PRDM16: variants seen among roughly 807,000 people sequenced by gnomAD.
PRDM16 encodes PR/SET domain 16, also known as histone-lysine N-methyltransferase PRDM16.
Under a neutral mutation model 110.6 loss-of-function variants are expected in PRDM16, and 23 were observed. That is an observed-to-expected ratio of 0.21 (90% CI 0.15 to 0.29). PRDM16 has a LOEUF of 0.29. Among genes scored for constraint, PRDM16 ranks in the 10% least tolerant of loss-of-function variants. PRDM16 has a pLI of 1.00. For synonymous variants in PRDM16, 799 were observed against 781.8 expected (o/e 1.02, Z -0.37); for missense variants, 1,615 against 1,794.3 (o/e 0.90, Z 1.81).
intron 2 of PRDM16, among the ~76,000 whole-genome samples, chr1:3,219,989 C>T (rs1205831132): frequency 6.6e-6 from 1 of 152,192 alleles, no homozygotes; most frequent in African/African-American, 2.4e-5. Context: ...ATGTTTGGCG[C>T]TGAGGTAATA....
intron 1 of PRDM16, among the ~76,000 whole-genome samples, chr1:3,121,964 A>G (rs1455367608): frequency 5.3e-5 from 8 of 152,246 alleles, no homozygotes; most frequent in African/African-American, 1.4e-4. Flanking sequence ...AAGGCCTTTC[A>G]GTTGGACCAG....
At chr1:3,122,600 T>A (rs1436571846) in intron 1 of PRDM16, among the ~76,000 whole-genome samples, 5 of 151,970 alleles carry the variant, frequency 3.3e-5, no homozygotes, top group African/African-American at 7.3e-5. Flanking sequence ...GAAGAAAGGA[T>A]CATTATACGA....
chr1:3,403,304 G>T (rs751889734), intron 6 of PRDM16, among the ~76,000 whole-genome samples: 1 of 152,206 alleles, frequency 6.6e-6, no homozygotes, highest in Non-Finnish European at 1.5e-5. Context: ...GCCTGCCAGG[G>T]CTGCGCTGCG....
At chr1:3,186,907 G>C (rs971943994) in intron 2 of PRDM16, among the ~76,000 whole-genome samples, 2 of 152,174 alleles carry the variant, frequency 1.3e-5, no homozygotes, top group South Asian at 4.1e-4. Flanking sequence ...CGCTGCCCCG[G>C]CTGCCGTCTT....
intron 3 of PRDM16, among the ~76,000 whole-genome samples, chr1:3,321,229 T>C (rs1159756025): frequency 1.4e-5 from 2 of 147,942 alleles, no homozygotes; most frequent in Admixed American, 6.6e-5. Flanking sequence ...GGAGCATGTG[T>C]GCACACACGC....
rs186610483 is a variant in PRDM16, at chr1:3,256,485, G to A, written c.438+12348G>A. Among the ~76,000 whole-genome samples, 319 of 152,214 alleles carry A rather than the reference G, an allele frequency of 2.1e-3. 7 individuals carry two copies. The highest frequency in any genetic ancestry group is 0.02 in the Admixed American group (305 of 15,292). ...TAGGTGTTCATCACGGGGGAATTGC[G>A]GGGAGACAGGGAGAGAATGAGTCAA... is the stretch of plus-strand genomic sequence containing the variant. On this transcript the variant is annotated intron_variant, in intron 3 of 16. Transcript: ENST00000270722.
At position 3,382,490 on chromosome 1, in the gene PRDM16, C is replaced by T. The variant is rs986601396; in HGVS notation, c.439-2662C>T. ...TCTGCAGAAGCTGGTAACACAGAGG[C>T]TGTCTCCCTGGGAACCTGCCCTGAG... On this transcript the variant is annotated intron_variant, in intron 3 of 16. Transcript: ENST00000270722. This position sits in a 1 kb window ranked among gnomAD's most constrained non-coding sequence, Gnocchi z 6.6. Among the ~76,000 whole-genome samples the T allele has an allele frequency of 1.3e-5, 2 of 152,228 alleles. No individual in the cohort carries two copies. Among genetic ancestry groups the T allele is most frequent in the South Asian group, 4.1e-4 (2 of 4,830 alleles).
chr1:3,419,105 C>T lies in PRDM16; in HGVS notation c.2939+361C>T, dbSNP rs79283623. ...TCCACATGGGAGAAAACCTCAGCTT[C>T]CCCACACCCAGCCCAACTCCGTTCA... On this transcript the variant is annotated intron_variant, in intron 12 of 16. Transcript: ENST00000270722. Among the ~76,000 whole-genome samples, 27 of 152,340 alleles carry T rather than the reference C, an allele frequency of 1.8e-4. 1 individual carries two copies. In the East Asian group the frequency reaches 5.2e-3, roughly 29 times the overall value.
intron 1 of PRDM16, among the ~76,000 whole-genome samples, chr1:3,161,463 G>A (rs935910536): frequency 3.3e-5 from 5 of 152,230 alleles, no homozygotes; most frequent in African/African-American, 1.2e-4. Context: ...AGGAGATGCT[G>A]GGGGTAGGAA....
chr1:3,222,842 C>A (rs954284477), intron 2 of PRDM16, among the ~76,000 whole-genome samples: 3 of 152,196 alleles, frequency 2.0e-5, no homozygotes, highest in Non-Finnish European at 4.4e-5. Flanking sequence ...AAAGCTGAAG[C>A]CTGATGTGAG....
intron 1 of PRDM16, among the ~76,000 whole-genome samples, chr1:3,180,933 C>CACACACGCAGCCTT (rs762640692): frequency 6.8e-6 from 1 of 146,860 alleles, no homozygotes; most frequent in Middle Eastern, 3.6e-3. Flanking sequence ...CACACGCAGC[C>CACACACGCAGCCTT]ACACACGCAG....
rs149043832 is a variant in PRDM16, at chr1:3,238,889, C to T, written c.388-5198C>T. 3.3e-3 allele frequency among the ~76,000 whole-genome samples: 506 copies of T among 152,356 alleles called. 11 individuals carry two copies. The highest frequency in any genetic ancestry group is 0.026 in the Admixed American group (404 of 15,312). The stretch of plus-strand genomic sequence containing the variant: ...CCTGAGCAGCTCCTCGACATCTGCC[C>T]GGTCACCTCAACTCTGCAGCCCCTG... On this transcript the variant is annotated intron_variant, in intron 2 of 16. Coordinates refer to ENST00000270722, the MANE Select transcript of PRDM16 (RefSeq NM_022114.4).
Position 3,412,447 on chromosome 1 carries a change from G to A in PRDM16, c.2250G>A (p.Leu750=), listed in dbSNP as rs531230563. ...FTDRALAHNL[L]VKAEPKSPRD... is the part of the protein sequence containing the mutation. ...ACCGAGCCCTCGCCCACAACTTGCT[G>A]GTCAAGGCCGAGCCAAAGTCACCCC... is the stretch of plus-strand genomic sequence containing the variant. Residue 750 remains leucine, a synonymous_variant, in exon 9 of 17, where the codon CTG becomes CTA. Coordinates refer to ENST00000270722, the MANE Select transcript of PRDM16 (RefSeq NM_022114.4). 6.2e-7 allele frequency: 1 copy of A among 1,612,806 alleles called. No individual in the cohort carries two copies. The highest frequency in any genetic ancestry group is 1.3e-5 in the African/African-American group (1 of 74,810).
At chr1:3,405,670 C>A in intron 8 of PRDM16, 22 bp downstream of exon 8, 1 of 1,549,310 alleles carries the variant, frequency 6.5e-7, no homozygotes, top group Non-Finnish European at 8.7e-7. Flanking sequence ...CCCAGCCTGG[C>A]CGCCTGCCCT....
intron 1 of PRDM16, among the ~76,000 whole-genome samples, chr1:3,177,690 T>A (rs907937261): frequency 4.6e-5 from 7 of 152,254 alleles, no homozygotes; most frequent in African/African-American, 7.2e-5. Flanking sequence ...GCTCCTGGAA[T>A]CATTCTAGAA....
At chr1:3,301,330 C>A (rs1199237666) in intron 3 of PRDM16, among the ~76,000 whole-genome samples, 2 of 53,344 alleles carry the variant, frequency 3.7e-5, no homozygotes, top group African/African-American at 2.5e-4. Flanking sequence ...AAGATCCCAT[C>A]TCAAAAAAAA....
chr1:3,431,865 C>T (rs1225884683), intron 15 of PRDM16, 101 bp from the exon 16 acceptor site: 8 of 1,154,080 alleles, frequency 6.9e-6, no homozygotes, highest in African/African-American at 4.6e-5. Context: ...AGAGATGCAG[C>T]GGCGTGCATG....
intron 1 of PRDM16, among the ~76,000 whole-genome samples, chr1:3,123,573 CCAGAGTCTTCT>C (rs1345224975): frequency 6.6e-6 from 1 of 152,208 alleles, no homozygotes; most frequent in African/African-American, 2.4e-5. Flanking sequence ...TGAGGGGGGC[CCAGAGTCTTCT>C]CCAGTGCAGC....
At chr1:3,280,026 C>A (rs886142208) in intron 3 of PRDM16, among the ~76,000 whole-genome samples, 1 of 151,320 alleles carries the variant, frequency 6.6e-6, no homozygotes, top group African/African-American at 2.4e-5. Flanking sequence ...TAATGCCATA[C>A]TTTTTTTGTA....
Sources: allele counts gnomAD v4.1 joint callset (sites outside exome capture counted in the v4.1 genomes callset), GRCh38; gene constraint gnomAD v4.1.1; non-coding constraint Gnocchi (gnomAD v3.1); transcripts MANE v1.5; gene names NCBI Gene and HGNC (gene_info 2026-07-23, HGNC 2026-07-21).